The following PTK2 variants were observed in gnomAD, a reference collection of about 807,000 sequenced individuals.
The protein encoded by PTK2 is protein tyrosine kinase 2.
Under a neutral mutation model 150.1 loss-of-function variants are expected in PTK2, and 45 were observed. The observed-to-expected ratio is 0.30, with a 90% CI of 0.24 to 0.38. The LOEUF is 0.38. PTK2 is among the 10% of genes least tolerant of loss of function. PTK2 has a pLI of 1.00. For synonymous variants in PTK2, 432 were observed against 449.2 expected, an observed-to-expected ratio of 0.96 and a Z score of 0.48; for missense variants, 919 against 1,307.3, an observed-to-expected ratio of 0.70 and a Z score of 4.58.
rs546785191 is a variant in PTK2 at position 140,890,934 on chromosome 8, C to A, written c.-32-165G>T. On this transcript the variant is annotated intron_variant, in intron 2 of 31. Transcript: ENST00000522684. Reference sequence around the variant, plus strand: ...TAATCCACTAAAATAATAGCTGTCTCTCCCCATACCCAGAGTAGGACCTGA... The same window carrying A: ...TAATCCACTAAAATAATAGCTGTCTATCCCCATACCCAGAGTAGGACCTGA... Among the ~76,000 whole-genome samples, 32 of 152,128 alleles carry A rather than the reference C, an allele frequency of 2.1e-4. No homozygotes were observed. In the South Asian group the frequency reaches 6.5e-3, roughly 31 times the overall value.
chr8:140,796,347 A>G (rs573360775), intron 12 of PTK2, among the ~76,000 whole-genome samples: 6 of 152,166 alleles, frequency 3.9e-5, no homozygotes, highest in Non-Finnish European at 7.3e-5. Context: ...TCACACCAGG[A>G]AGACCAAATT....
At chr8:140,973,925 T>G (rs2100188340) in intron 1 of PTK2, among the ~76,000 whole-genome samples, 1 of 152,216 alleles carries the variant, frequency 6.6e-6, no homozygotes, top group African/African-American at 2.4e-5. Flanking sequence ...CATCACACTT[T>G]GCCTTTAATA....
intron 2 of PTK2, among the ~76,000 whole-genome samples, chr8:140,901,039 G>C (rs192721024): frequency 5.5e-4 from 84 of 152,270 alleles, no homozygotes; most frequent in African/African-American, 1.9e-3. Context: ...AAATCAGCAT[G>C]GTACAGGCAT....
chr8:140,928,206 T>C (rs1430286082), intron 1 of PTK2, among the ~76,000 whole-genome samples: 1 of 151,742 alleles, frequency 6.6e-6, no homozygotes, highest in East Asian at 1.9e-4. Context: ...ATTTCAGGAG[T>C]CACTTTGCTA....
At chr8:140,936,253 G>T (rs1360252590) in intron 1 of PTK2, among the ~76,000 whole-genome samples, 4 of 152,134 alleles carry the variant, frequency 2.6e-5, no homozygotes, top group Admixed American at 2.6e-4. Context: ...CAAGAAGCAG[G>T]ATCAATGAAC....
intron 2 of PTK2, among the ~76,000 whole-genome samples, chr8:140,892,765 T>C (rs1297746994): frequency 1.3e-5 from 2 of 151,946 alleles, no homozygotes; most frequent in South Asian, 4.1e-4. Context: ...CCTATATATA[T>C]ACAGAAATTC....
rs558842643 is a variant in PTK2, at chr8:140,938,837, T to C, written c.-121-13088A>G. Among the ~76,000 whole-genome samples, 14 of 152,260 alleles carry C rather than the reference T, an allele frequency of 9.2e-5. No individual in the cohort carries two copies. In the South Asian group the frequency reaches 2.9e-3, roughly 32 times the overall value. On this transcript the variant is annotated intron_variant, in intron 1 of 31. Coordinates refer to ENST00000522684, the Ensembl canonical transcript of PTK2. ...CAATAAAATCCACTTATAAACTGACTCGTTTTCATAATCAAAATATTTTAC... is the reference window on the plus strand; with the variant it reads ...CAATAAAATCCACTTATAAACTGACCCGTTTTCATAATCAAAATATTTTAC...
intron 3 of PTK2, among the ~76,000 whole-genome samples, chr8:140,882,766 T>C (rs1408405909): frequency 1.3e-5 from 2 of 152,224 alleles, no homozygotes; most frequent in East Asian, 1.9e-4. Context: ...AACATCCTTC[T>C]AGCTGTCATC....
At chr8:140,894,943 T>A (rs548771114) in intron 2 of PTK2, among the ~76,000 whole-genome samples, 1 of 152,272 alleles carries the variant, frequency 6.6e-6, no homozygotes, top group Admixed American at 6.5e-5. Context: ...TAATACATAA[T>A]CTTTGCAAGC....
At chr8:140,741,478 T>A in intron 20 of PTK2, among the ~76,000 whole-genome samples, 1 of 150,554 alleles carries the variant, frequency 6.6e-6, no homozygotes. Flanking sequence ...TAATAATAAA[T>A]AAAAATTAAA....
exon 32 of PTK2, chr8:140,659,442 G>T: frequency 6.3e-7 from 1 of 1,586,272 alleles, no homozygotes; most frequent in Non-Finnish European, 8.6e-7. Context: ...AAAGAGGGTA[G>T]CAAGACGTGC....
intron 8 of PTK2, among the ~76,000 whole-genome samples, chr8:140,826,299 T>C (rs1465633536): frequency 6.6e-6 from 1 of 152,228 alleles, no homozygotes; most frequent in Non-Finnish European, 1.5e-5. Context: ...ATTTGTATTA[T>C]AGTTGTTACC....
chr8:140,846,670 G>A (rs759884429), exon 6 of PTK2: 29 of 1,607,156 alleles, frequency 1.8e-5, no homozygotes, highest in Non-Finnish European at 2.5e-5. Flanking sequence ...ACATATAATC[G>A]CTCTTCACCT....
In PTK2 at chr8:140,836,077, GT is replaced by G. The variant is rs60335293; in HGVS notation, c.594-5552del. Among the ~76,000 whole-genome samples the G allele has an allele frequency of 8.2e-3, 1,217 of 149,026 alleles. 6 individuals are homozygous for G. Among genetic ancestry groups the G allele is most frequent in the Non-Finnish European group, 0.013 (845 of 66,976 alleles). On this transcript the variant is annotated intron_variant, in intron 7 of 31. Coordinates refer to ENST00000522684, the Ensembl canonical transcript of PTK2. ...GAATAACTGGGTAAATAATTATCTGGTTTTTTTTTTAATCAGACTTTTTAAA... is the reference window on the plus strand; with the variant it reads ...GAATAACTGGGTAAATAATTATCTGGTTTTTTTTTAATCAGACTTTTTAAA...
intron 8 of PTK2, among the ~76,000 whole-genome samples, chr8:140,819,630 C>T (rs1388179659): frequency 6.6e-6 from 1 of 152,120 alleles, no homozygotes; most frequent in African/African-American, 2.4e-5. Context: ...AATCTACTGG[C>T]ATTAAAACCC....
At chr8:140,959,975 C>G (rs2100182547) in intron 1 of PTK2, among the ~76,000 whole-genome samples, 1 of 151,166 alleles carries the variant, frequency 6.6e-6, no homozygotes, top group Admixed American at 6.6e-5. Context: ...CTGGTCACAC[C>G]ACTGCACTCC....
intron 7 of PTK2, among the ~76,000 whole-genome samples, chr8:140,831,037 T>TAATG (rs1250082413): frequency 6.6e-6 from 1 of 152,198 alleles, no homozygotes; most frequent in African/African-American, 2.4e-5. Flanking sequence ...AGTGACTCAT[T>TAATG]CACTTGTCTC....
intron 1 of PTK2, among the ~76,000 whole-genome samples, chr8:140,982,314 G>A (rs1379716081): frequency 2.0e-5 from 3 of 152,184 alleles, no homozygotes; most frequent in Admixed American, 1.3e-4. Context: ...AGATAGATAC[G>A]GGGGCTGGGT....
Position 140,836,269 on chromosome 8 carries a change from T to C in PTK2, c.594-5743A>G, listed in dbSNP as rs79568020. Among the ~76,000 whole-genome samples the C allele has an allele frequency of 2.0e-3, 300 of 152,332 alleles. 2 individuals are homozygous for C. Among genetic ancestry groups the C allele is most frequent in the African/African-American group, 7.0e-3 (289 of 41,578 alleles). Reference sequence around the variant, plus strand: ...GTTTCACTTTATGTCGTTTCACTTATAGTTTCCAGGAACCTATTGATGTTA... The same window carrying C: ...GTTTCACTTTATGTCGTTTCACTTACAGTTTCCAGGAACCTATTGATGTTA... On this transcript the variant is annotated intron_variant, in intron 7 of 31. Coordinates refer to ENST00000522684, the Ensembl canonical transcript of PTK2.
Sources: gnomAD v4.1 joint callset for allele counts (sites outside exome capture counted in the v4.1 genomes callset) on GRCh38, gnomAD v4.1.1 for gene constraint, MANE v1.5 for transcripts, NCBI Gene and HGNC (gene_info 2026-07-23, HGNC 2026-07-21) for gene names.